Variants in PDE4C observed in about 807,000 individuals in gnomAD.
PDE4C encodes phosphodiesterase 4C.
PDE4C carries 50 observed loss-of-function variants against 63.9 expected under a neutral mutation model. The ratio of observed to expected loss-of-function variants is 0.78; its 90% CI spans 0.62 to 0.99. PDE4C has a LOEUF of 0.99. Ranked by LOEUF, PDE4C falls within the 50% of genes least tolerant of loss-of-function variation. The pLI is 0.00. For missense variants in PDE4C, 777 were observed against 899.1 expected (o/e 0.86, Z 1.74); for synonymous variants, 377 against 385.1 (o/e 0.98, Z 0.25).
upstream of PDE4C, among the ~76,000 whole-genome samples, chr19:18,230,645 T>C (rs1360692850): frequency 6.6e-6 from 1 of 152,188 alleles, no homozygotes; most frequent in Non-Finnish European, 1.5e-5. Context: ...TCCTTCTACT[T>C]AGAATACCCT....
At chr19:18,224,477 G>T (rs1396043624) in intron 1 of PDE4C, 1 of 985,406 alleles carries the variant, frequency 1.0e-6, no homozygotes, top group Non-Finnish European at 1.2e-6. Context: ...GTCTGAGTTG[G>T]GTCTGATCAC....
chr19:18,236,285 G>C (rs899539449), upstream of PDE4C, among the ~76,000 whole-genome samples: 1 of 151,692 alleles, frequency 6.6e-6, no homozygotes, highest in Non-Finnish European at 1.5e-5. Context: ...TGTCACCCAG[G>C]TTGGAGTGCA....
At chr19:18,235,470 C>T (rs1968935050), upstream of PDE4C, among the ~76,000 whole-genome samples, 1 of 152,104 alleles carries the variant, frequency 6.6e-6, no homozygotes. Context: ...CATGCCCAGC[C>T]CTGGTGTTGT....
At position 18,220,664 on chromosome 19, in the gene PDE4C, G is replaced by T; in HGVS notation, c.500-149C>A. ...GACCCAAGTTCCAGATCTGTTCCCC[G>T]AGTGCCTGTGTGACCATGAGATCTC... On this transcript the variant is annotated intron_variant, in intron 5 of 14. Coordinates refer to ENST00000262805, the Ensembl canonical transcript of PDE4C. The surrounding 1 kb of genome is among the most constrained non-coding windows in gnomAD (Gnocchi z 5.1). 1.3e-6 allele frequency: 1 copy of T among 797,828 alleles called. No homozygotes were observed. Among genetic ancestry groups the T allele is most frequent in the Non-Finnish European group, 2.0e-6 (1 of 494,130 alleles). 49.4% of individuals were successfully genotyped at this position (797,828 alleles called of 1,614,324 possible). A position where few individuals can be genotyped will look rare whatever the true frequency, so the allele number is the denominator to read the frequency against.
intron 1 of PDE4C, chr19:18,248,095 C>G (rs1344062906): frequency 2.2e-6 from 1 of 449,390 alleles, no homozygotes; most frequent in East Asian, 7.0e-5. Flanking sequence ...TTACGAGACC[C>G]CAGCACCTCT....
upstream of PDE4C, chr19:18,237,109 C>T (rs1228464762): frequency 6.6e-6 from 1 of 152,638 alleles, no homozygotes; most frequent in Non-Finnish European, 1.5e-5. Flanking sequence ...CATGGGACCT[C>T]TCTAGGACCC....
chr19:18,223,209 A>AT (rs35666140), intron 1 of PDE4C, among the ~76,000 whole-genome samples: 1,396 of 129,114 alleles, frequency 0.011, 19 homozygotes, highest in African/African-American at 0.024. Context: ...CGCCCGGCTA[A>AT]TTTTTTTTTT....
intron 1 of PDE4C, among the ~76,000 whole-genome samples, chr19:18,244,234 G>A (rs1254479946): frequency 6.6e-6 from 1 of 151,850 alleles, no homozygotes; most frequent in Non-Finnish European, 1.5e-5. Flanking sequence ...GGGCCTGATG[G>A]GAGGCTCCTG....
intron 1 of PDE4C, among the ~76,000 whole-genome samples, chr19:18,231,970 G>T (rs769560910): frequency 1.9e-4 from 29 of 152,010 alleles, no homozygotes; most frequent in Non-Finnish European, 4.0e-4. Flanking sequence ...CTCCTACAGG[G>T]GAGCAGGGTG....
At chr19:18,218,307 C>A (rs1968295326) in intron 10 of PDE4C, 27 bp downstream of exon 10, 1 of 1,613,220 alleles carries the variant, frequency 6.2e-7, no homozygotes, top group African/African-American at 1.3e-5. Flanking sequence ...TGCACCCGCC[C>A]ACCTGCCTGC....
rs1302399515 is a variant in PDE4C, at chr19:18,220,254, C to T, written c.678G>A (p.Val226=). ...GGAAGGTCCGGGAGATGTACTCGGA[C>T]ACCTGGTTCCCGGAGCGGCTGGTTT... The change falls in exon 7 of 15, where the codon GTG becomes GTA. Residue 226 remains valine (V), a synonymous_variant. Transcript: ENST00000262805. This position sits in a 1 kb window ranked among gnomAD's most constrained non-coding sequence, Gnocchi z 5.1. 3 of 1,613,966 alleles carry T rather than the reference C, an allele frequency of 1.9e-6. No individual in the cohort carries two copies. Among genetic ancestry groups the T allele is most frequent in the African/African-American group, 1.3e-5 (1 of 74,934 alleles).
chr19:18,222,367 C>T, intron 1 of PDE4C, 44 bp from the exon 2 acceptor site: 1 of 1,567,726 alleles, frequency 6.4e-7, no homozygotes, highest in South Asian at 1.1e-5. Context: ...GTCATGACAA[C>T]TGGGTGCCGG....
exon 14 of PDE4C, chr19:18,211,829 C>T (rs775763570): frequency 2.1e-5 from 34 of 1,614,132 alleles, no homozygotes; most frequent in East Asian, 6.7e-5. Flanking sequence ...CTCACGCTCG[C>T]GGTCTCCCTG....
intron 13 of PDE4C, among the ~76,000 whole-genome samples, chr19:18,212,536 G>A (rs1968002145): frequency 6.7e-6 from 1 of 148,694 alleles, no homozygotes; most frequent in African/African-American, 2.5e-5. Flanking sequence ...GTGCAATGGT[G>A]CAATCACAGC....
chr19:18,229,778 T>C (rs1237133170), upstream of PDE4C, among the ~76,000 whole-genome samples: 2 of 150,760 alleles, frequency 1.3e-5, no homozygotes, highest in Non-Finnish European at 3.0e-5. Flanking sequence ...GTGTAGATGT[T>C]CGCATGGGTC....
chr19:18,231,424 T>C (rs1436687879), upstream of PDE4C, among the ~76,000 whole-genome samples: 3 of 152,038 alleles, frequency 2.0e-5, no homozygotes, highest in Non-Finnish European at 2.9e-5. Context: ...CCAGAAGGGA[T>C]GGGGAAGGAG....
intron 1 of PDE4C, among the ~76,000 whole-genome samples, chr19:18,239,386 G>A (rs1969002728): frequency 6.6e-6 from 1 of 152,230 alleles, no homozygotes; most frequent in Admixed American, 6.5e-5. Context: ...GGGAGTGTGA[G>A]CTCTTCAGCG....
downstream of PDE4C, chr19:18,210,007 T>TCTTTC (rs1432859185): frequency 6.6e-6 from 1 of 151,536 alleles, no homozygotes; most frequent in East Asian, 2.0e-4. Context: ...GAGCCCCGTC[T>TCTTTC]CTTTCCTTTC....
rs188218058 is a variant in PDE4C at position 18,241,235 on chromosome 19, T to C, written c.-210+6936A>G. Among the ~76,000 whole-genome samples, 243 of 150,706 alleles carry C rather than the reference T, an allele frequency of 1.6e-3. 2 individuals are homozygous for C. Among genetic ancestry groups the C allele is most frequent in the African/African-American group, 5.6e-3 (229 of 41,048 alleles). Reference sequence around the variant, plus strand: ...TGCTCATTTTCTTTTTTCTTTTCTTTCTTTCTTTTTTCTTCTCTTGTTTTT... The same window carrying C: ...TGCTCATTTTCTTTTTTCTTTTCTTCCTTTCTTTTTTCTTCTCTTGTTTTT... On this transcript the variant is annotated intron_variant, in intron 1 of 15. Coordinates refer to the PDE4C transcript ENST00000594617.
Sources: allele counts gnomAD v4.1 joint callset (sites outside exome capture counted in the v4.1 genomes callset), GRCh38; gene constraint gnomAD v4.1.1; non-coding constraint Gnocchi (gnomAD v3.1); transcripts MANE v1.5; gene names NCBI Gene and HGNC (gene_info 2026-07-23, HGNC 2026-07-21).